Variants in RYR2 observed in about 807,000 individuals in gnomAD.
RYR2 encodes the protein ryanodine receptor 2, also known as cardiac muscle ryanodine receptor-calcium release channel.
RYR2 carries 227 observed loss-of-function variants against 601.1 expected under a neutral mutation model. That is an observed-to-expected ratio of 0.38 (90% confidence interval 0.34 to 0.42). The LOEUF (loss-of-function observed/expected upper bound fraction) is 0.42. Among genes scored for constraint, RYR2 ranks in the 10% least tolerant of loss-of-function variants. RYR2 has a pLI of 1.00. For missense variants in RYR2, 4,646 were observed against 6,156.5 expected, an observed-to-expected ratio of 0.75 and a Z score of 8.21; for synonymous variants, 2,223 against 2,175.1, an observed-to-expected ratio of 1.02 and a Z score of -0.61.
chr1:237,806,072 A>G, intron 98 of RYR2, 65 bp from the exon 99 acceptor site: 1 of 1,429,100 alleles, frequency 7.0e-7, no homozygotes, highest in Non-Finnish European at 9.8e-7. Context: ...ATTTTGCTTA[A>G]CCCATAACAA....
At chr1:237,121,923 A>C (rs1162371952) in intron 1 of RYR2, among the ~76,000 whole-genome samples, 1 of 152,212 alleles carries the variant, frequency 6.6e-6, no homozygotes, top group East Asian at 1.9e-4. Context: ...AAAACAGACA[A>C]TGGATGATGG....
chr1:237,093,745 G>A (rs1385024164), intron 1 of RYR2, among the ~76,000 whole-genome samples: 1 of 152,182 alleles, frequency 6.6e-6, no homozygotes, highest in Admixed American at 6.5e-5. Context: ...GATCCCAGAG[G>A]CCAGAGAGAT....
At chr1:237,461,374 A>G (rs1243579914) in intron 16 of RYR2, among the ~76,000 whole-genome samples, 3 of 152,116 alleles carry the variant, frequency 2.0e-5, no homozygotes, top group Non-Finnish European at 4.4e-5. Flanking sequence ...CACACTTCTT[A>G]TGAACTTTCA....
At chr1:237,360,467 C>T (rs527507226) in intron 4 of RYR2, among the ~76,000 whole-genome samples, 11 of 152,254 alleles carry the variant, frequency 7.2e-5, no homozygotes, top group South Asian at 2.1e-4. Flanking sequence ...AGTAGCTTAT[C>T]GGAATCATTT....
intron 2 of RYR2, among the ~76,000 whole-genome samples, chr1:237,311,870 T>C (rs563852776): frequency 6.6e-6 from 1 of 152,186 alleles, no homozygotes; most frequent in Admixed American, 6.5e-5. Context: ...ACTCTTATCA[T>C]AGAAGTGGCT....
intron 17 of RYR2, among the ~76,000 whole-genome samples, chr1:237,486,059 T>G (rs898317266): frequency 2.6e-5 from 4 of 152,130 alleles, no homozygotes; most frequent in Non-Finnish European, 5.9e-5. Context: ...ATTAATGAAT[T>G]TTAACAATTA....
chr1:237,679,329 T>C (rs1685657829), intron 61 of RYR2, among the ~76,000 whole-genome samples: 1 of 152,240 alleles, frequency 6.6e-6, no homozygotes, highest in South Asian at 2.1e-4. Flanking sequence ...TTCATTCGTT[T>C]ACCATATTGA....
At position 237,117,014 on chromosome 1, in the gene RYR2, C is replaced by G. The variant is rs570066114; in HGVS notation, c.48+74445C>G. ...AGTTGACATGTAAAGTTAACCATCA[C>G]ACTGACAGTAGAGGTGTGAGCTAAT... On this transcript the variant is annotated intron_variant, in intron 1 of 104. Transcript: ENST00000366574. 2.6e-5 allele frequency among the ~76,000 whole-genome samples: 4 copies of G among 152,286 alleles called. No individual in the cohort carries two copies. The South Asian group carries it at 8.3e-4, about 32-fold the overall frequency.
chr1:237,533,430 C>G (rs570341717), intron 25 of RYR2, among the ~76,000 whole-genome samples: 1 of 152,106 alleles, frequency 6.6e-6, no homozygotes, highest in African/African-American at 2.4e-5. Context: ...AGAGACAGTT[C>G]GCACCGACGA....
intron 1 of RYR2, among the ~76,000 whole-genome samples, chr1:237,148,527 A>ATATATAT (rs1158996552): frequency 3.6e-5 from 3 of 83,918 alleles, no homozygotes; most frequent in Non-Finnish European, 7.1e-5. Context: ...AAAAAAAAAA[A>ATATATAT]ATATATATAT....
intron 1 of RYR2, among the ~76,000 whole-genome samples, chr1:237,138,067 T>C (rs1017656374): frequency 2.0e-5 from 3 of 151,806 alleles, no homozygotes; most frequent in Non-Finnish European, 4.4e-5. Flanking sequence ...AGTCTTGCTC[T>C]GTCACCCAGG....
At chr1:237,667,782 A>G in intron 57 of RYR2, 101 bp from the exon 58 acceptor site, 1 of 808,764 alleles carries the variant, frequency 1.2e-6, no homozygotes, top group Non-Finnish European at 2.0e-6. Flanking sequence ...TAGCACTAAT[A>G]CTGTATGAGT....
intron 29 of RYR2, among the ~76,000 whole-genome samples, chr1:237,573,598 A>G (rs997739364): frequency 6.7e-6 from 1 of 149,590 alleles, no homozygotes; most frequent in Non-Finnish European, 1.5e-5. Flanking sequence ...GGATCACAAG[A>G]TCAGGAGATC....
intron 11 of RYR2, among the ~76,000 whole-genome samples, chr1:237,418,340 C>T (rs960558203): frequency 6.6e-6 from 1 of 152,128 alleles, no homozygotes; most frequent in Non-Finnish European, 1.5e-5. Flanking sequence ...CCACGCTCGG[C>T]CTAGTATAAC....
chr1:237,482,503 G>A (rs928128319), intron 17 of RYR2, among the ~76,000 whole-genome samples: 9 of 151,980 alleles, frequency 5.9e-5, no homozygotes, highest in African/African-American at 2.2e-4. Flanking sequence ...CTCATCTCCA[G>A]TTCATCCATG....
At chr1:237,744,482 C>T (rs1484644323) in intron 80 of RYR2, among the ~76,000 whole-genome samples, 1 of 151,788 alleles carries the variant, frequency 6.6e-6, no homozygotes, top group Non-Finnish European at 1.5e-5. Flanking sequence ...GTGGTGAAAC[C>T]TCATCTCTAC....
chr1:237,456,827 A>G, intron 16 of RYR2, 92 bp downstream of exon 16: 1 of 1,404,994 alleles, frequency 7.1e-7, no homozygotes, highest in Non-Finnish European at 9.5e-7. Context: ...CTGTAATTCC[A>G]GCAATTTGGG....
At chr1:237,254,451 T>C (rs932636702) in intron 1 of RYR2, among the ~76,000 whole-genome samples, 2 of 152,246 alleles carry the variant, frequency 1.3e-5, no homozygotes, top group African/African-American at 4.8e-5. Flanking sequence ...TCAGTATCTC[T>C]CTTTAAAATG....
rs1383660352 is a variant in RYR2, at chr1:237,530,408, C to G, written c.2823-19C>G. On this transcript the variant is annotated intron_variant, in intron 24 of 104. Coordinates refer to ENST00000366574, the MANE Select transcript of RYR2 (RefSeq NM_001035.3). ...ATAGAGAAGAAATGATCACACTTATCTCTGGTTTTGTTTTCCAGGACTTTG... is the reference window on the plus strand; with the variant it reads ...ATAGAGAAGAAATGATCACACTTATGTCTGGTTTTGTTTTCCAGGACTTTG... 1.3e-6 allele frequency: 2 copies of G among 1,574,538 alleles called. No individual in the cohort carries two copies. Among genetic ancestry groups the G allele is most frequent in the Non-Finnish European group, 1.7e-6 (2 of 1,151,486 alleles).
Sources: gnomAD v4.1 joint callset for allele counts (sites outside exome capture counted in the v4.1 genomes callset) on GRCh38, gnomAD v4.1.1 for gene constraint, MANE v1.5 for transcripts, NCBI Gene and HGNC (gene_info 2026-07-23, HGNC 2026-07-21) for gene names.